The following GLIS3 variants were observed in gnomAD, a reference collection of about 807,000 sequenced individuals.
GLIS3 encodes the protein zinc finger protein GLIS3.
A neutral mutation model predicts 78.6 loss-of-function variants in GLIS3; 53 were observed. The ratio of observed to expected loss-of-function variants is 0.67; its 90% CI spans 0.54 to 0.85. The LOEUF (loss-of-function observed/expected upper bound fraction) is 0.85, where lower values mean the gene tolerates loss of function less well. Ranked by LOEUF, GLIS3 falls within the 40% of genes least tolerant of loss-of-function variation. The pLI is 0.00. For missense variants in GLIS3, 1,703 were observed against 1,231.1 expected, an observed-to-expected ratio of 1.38 and a Z score of -5.74; for synonymous variants, 684 against 509.9, an observed-to-expected ratio of 1.34 and a Z score of -4.60.
intron 6 of GLIS3, among the ~76,000 whole-genome samples, chr9:3,930,722 A>T (rs2082693153): frequency 6.6e-6 from 1 of 152,242 alleles, no homozygotes; most frequent in Non-Finnish European, 1.5e-5. Flanking sequence ...CTACAAGGGT[A>T]CTTTCCGATG....
At position 4,333,432 on chromosome 9, in the gene GLIS3, T is replaced by A. The variant is rs114052705; in HGVS notation, n.264+13649A>T. ...CTAAGTCTTTTTTAAAAATTGACTT[T>A]AATTTGCTTAAGAACAAGCAAATAA... On this transcript the variant is annotated intron_variant and non_coding_transcript_variant, in intron 2 of 4. Transcript: ENST00000471664. Among the ~76,000 whole-genome samples, 1,128 of 152,272 alleles carry A rather than the reference T, an allele frequency of 7.4e-3. 19 individuals carry two copies. The highest frequency in any genetic ancestry group is 0.026 in the African/African-American group (1,079 of 41,550).
intron 2 of GLIS3, among the ~76,000 whole-genome samples, chr9:4,134,976 C>T (rs1361437487): frequency 1.3e-5 from 2 of 152,044 alleles, no homozygotes; most frequent in African/African-American, 4.8e-5. Flanking sequence ...TCAGCAGGTC[C>T]ACTGGACTCT....
the GLIS3 span, among the ~76,000 whole-genome samples, chr9:4,396,295 A>G: frequency 2.0e-5 from 3 of 151,780 alleles, no homozygotes; most frequent in Non-Finnish European, 4.4e-5. Context: ...CGTTTTTTGC[A>G]TTTTTAGTAG....
At chr9:3,858,185 G>C (rs545948274) in intron 8 of GLIS3, among the ~76,000 whole-genome samples, 3 of 152,156 alleles carry the variant, frequency 2.0e-5, no homozygotes, top group Middle Eastern at 3.2e-3. Context: ...GCTCTAGATG[G>C]TTTTCCAGTC....
chr9:4,169,354 A>G (rs111735090), intron 2 of GLIS3, among the ~76,000 whole-genome samples: 1 of 152,250 alleles, frequency 6.6e-6, no homozygotes, highest in African/African-American at 2.4e-5. Context: ...AGGCTTTCAG[A>G]TAACTCCACA....
At chr9:3,970,877 C>T (rs1020789244) in intron 4 of GLIS3, among the ~76,000 whole-genome samples, 1 of 151,826 alleles carries the variant, frequency 6.6e-6, no homozygotes, top group East Asian at 1.9e-4. Flanking sequence ...AGAGGCACAA[C>T]ATTGGCTGTA....
At position 4,223,763 on chromosome 9, in the gene GLIS3, A is replaced by T. The variant is rs559260045; in HGVS notation, c.388+62275T>A. Among the ~76,000 whole-genome samples, 555 of 152,294 alleles carry T rather than the reference A, an allele frequency of 3.6e-3. 3 individuals are homozygous for T. Among genetic ancestry groups the T allele is most frequent in the Non-Finnish European group, 6.0e-3 (406 of 68,026 alleles). On this transcript the variant is annotated intron_variant, in intron 2 of 10. Transcript: ENST00000381971. ...GGTTTTGGATTTTTCTATTTGCTTA[A>T]AATACTGATTTTTTCTACATTTTCT...
chr9:4,277,364 A>G (rs1191418893), intron 2 of GLIS3, among the ~76,000 whole-genome samples: 1 of 152,240 alleles, frequency 6.6e-6, no homozygotes, highest in Admixed American at 6.5e-5. Flanking sequence ...ATTAAAACCA[A>G]TTGAAATAGC....
chr9:4,450,160 G>A, the GLIS3 span, among the ~76,000 whole-genome samples: 1 of 152,180 alleles, frequency 6.6e-6, no homozygotes, highest in Non-Finnish European at 1.5e-5. Context: ...TAAGTGACCT[G>A]ATGGAGCTGA....
At position 4,337,183 on chromosome 9, in the gene GLIS3, C is replaced by T. The variant is rs549094361; in HGVS notation, n.264+9898G>A. 5.3e-5 allele frequency among the ~76,000 whole-genome samples: 8 copies of T among 152,172 alleles called. No homozygotes were observed. The South Asian group carries it at 1.7e-3, about 32-fold the overall frequency. On this transcript the variant is annotated intron_variant and non_coding_transcript_variant, in intron 2 of 4. Coordinates refer to the GLIS3 transcript ENST00000471664. ...ACATAGAATCATTAAAAGTGCAAAT[C>T]ATTTAACCCCAAAACTCTCATTCTG...
chr9:4,344,253 C>G (rs570617866), intron 2 of GLIS3, among the ~76,000 whole-genome samples: 1 of 152,130 alleles, frequency 6.6e-6, no homozygotes, highest in Non-Finnish European at 1.5e-5. Flanking sequence ...CTCCCACCCC[C>G]ACTACCATTT....
intron 4 of GLIS3, among the ~76,000 whole-genome samples, chr9:3,954,308 C>T (rs1254590052): frequency 6.6e-6 from 1 of 152,188 alleles, no homozygotes; most frequent in Admixed American, 6.5e-5. Context: ...GATAAAGAGG[C>T]AACCCTCCTG....
chr9:3,864,915 T>C (rs1820473723), intron 8 of GLIS3, among the ~76,000 whole-genome samples: 1 of 152,204 alleles, frequency 6.6e-6, no homozygotes, highest in Non-Finnish European at 1.5e-5. Context: ...AGGTCATTGC[T>C]GCTGAAGAAT....
chr9:3,879,266 T>C (rs904433782), intron 8 of GLIS3, among the ~76,000 whole-genome samples, 161 bp downstream of exon 8: 1 of 152,192 alleles, frequency 6.6e-6, no homozygotes, highest in Admixed American at 6.5e-5. Flanking sequence ...TAATGAGATA[T>C]TTGGTCCACG....
the GLIS3 span, among the ~76,000 whole-genome samples, chr9:4,376,421 G>GAAATGTAGGCCAT: frequency 2.2e-5 from 3 of 138,574 alleles, no homozygotes; most frequent in South Asian, 2.6e-4. Context: ...GAATCTATAT[G>GAAATGTAGGCCAT]CTCTCTTTCT....
chr9:4,465,538 G>C, the GLIS3 span, among the ~76,000 whole-genome samples: 2 of 152,172 alleles, frequency 1.3e-5, no homozygotes, highest in South Asian at 4.2e-4. Context: ...GACAGAGTGA[G>C]ACTCCGACTC....
At chr9:4,145,706 C>T (rs1834172928) in intron 2 of GLIS3, among the ~76,000 whole-genome samples, 1 of 151,930 alleles carries the variant, frequency 6.6e-6, no homozygotes, top group Admixed American at 6.6e-5. Context: ...CTCTCCCTTC[C>T]TCCCCTTCTC....
At chr9:4,138,776 C>A (rs1236757065) in intron 2 of GLIS3, among the ~76,000 whole-genome samples, 2 of 152,150 alleles carry the variant, frequency 1.3e-5, no homozygotes, top group African/African-American at 4.8e-5. Flanking sequence ...AAATAAGTCA[C>A]GTATGTAGAC....
chr9:4,293,538 G>A (rs1403220437), intron 1 of GLIS3, among the ~76,000 whole-genome samples: 2 of 152,220 alleles, frequency 1.3e-5, no homozygotes, highest in African/African-American at 4.8e-5. Context: ...ACTCAGCCAA[G>A]TTACAGACAG....
Sources: gnomAD v4.1 joint callset for allele counts (sites outside exome capture counted in the v4.1 genomes callset) on GRCh38, gnomAD v4.1.1 for gene constraint, MANE v1.5 for transcripts, NCBI Gene and HGNC (gene_info 2026-07-23, HGNC 2026-07-21) for gene names.